Variants in CLTC observed in about 807,000 individuals in gnomAD.
The protein encoded by CLTC is clathrin heavy chain 1.
In CLTC, 16 loss-of-function variants were observed where a neutral mutation model predicts 195.8. The ratio of observed to expected loss-of-function variants is 0.08; its 90% CI spans 0.06 to 0.12. The LOEUF (loss-of-function observed/expected upper bound fraction) is 0.12, where lower values mean the gene tolerates loss of function less well. CLTC is among the 10% of genes least tolerant of loss of function. CLTC has a pLI of 1.00. For synonymous variants in CLTC, 667 were observed against 689.4 expected (o/e 0.97, Z 0.51); for missense variants, 796 against 2,027.0 (o/e 0.39, Z 11.66).
intron 1 of CLTC, among the ~76,000 whole-genome samples, chr17:59,641,573 C>T (rs546128921): frequency 8.1e-6 from 1 of 122,872 alleles, no homozygotes; most frequent in African/African-American, 3.0e-5. Context: ...TGTACTCCAG[C>T]CTGGCTGGCG....
In CLTC at chr17:59,694,806, G is replaced by A. The variant is rs994716148; in HGVS notation, c.*954G>A. On this transcript the variant is annotated 3_prime_UTR_variant, in exon 32 of 32. Transcript: ENST00000269122. ...AGTTTTAATTAAATACCACTCAAAC[G>A]AAAAGAACAGTAGTTTTTGTAGTTT... 5 of 225,940 alleles carry A rather than the reference G, an allele frequency of 2.2e-5. No individual in the cohort carries two copies. Among genetic ancestry groups the A allele is most frequent in the East Asian group, 6.5e-5 (1 of 15,472 alleles). 14.0% of individuals were successfully genotyped at this position (225,940 alleles called of 1,614,324 possible).
chr17:59,660,638 A>G, intron 7 of CLTC, 50 bp downstream of exon 7: 1 of 1,559,830 alleles, frequency 6.4e-7, no homozygotes, highest in Admixed American at 1.7e-5. Flanking sequence ...CATTGTTAAT[A>G]TTCTGTTTCT....
At chr17:59,667,045 C>T in intron 13 of CLTC, 68 bp downstream of exon 13, 1 of 1,322,692 alleles carries the variant, frequency 7.6e-7, no homozygotes, top group East Asian at 2.3e-5. Flanking sequence ...TGCTTATGAT[C>T]AGGCTGTTGG....
At position 59,666,417 on chromosome 17, in the gene CLTC, G is replaced by A. The variant is rs191267430; in HGVS notation, c.1783-63G>A. The A allele has an allele frequency of 2.2e-3, 3,381 of 1,556,076 alleles. 112 individuals are homozygous for A. The Admixed American group carries it at 0.053, about 24-fold the overall frequency. ...ACTATTAAACCTTAATCTGTAATAC[G>A]GATATTGAATTACTCATGTAAGTGG... On this transcript the variant is annotated intron_variant, in intron 11 of 31. Transcript: ENST00000269122. This position sits in a 1 kb window ranked among gnomAD's most constrained non-coding sequence, Gnocchi z 4.9.
chr17:59,634,521 T>C (rs770842541), intron 1 of CLTC, among the ~76,000 whole-genome samples: 5 of 152,226 alleles, frequency 3.3e-5, no homozygotes, highest in Non-Finnish European at 5.9e-5. Context: ...AAAAATTCTT[T>C]GAGTCTCCTG....
chr17:59,634,214 C>A (rs2031802241), intron 1 of CLTC, among the ~76,000 whole-genome samples: 1 of 152,088 alleles, frequency 6.6e-6, no homozygotes, highest in African/African-American at 2.4e-5. Context: ...TGGCCTTGAA[C>A]CCTCAAAGTA....
intron 16 of CLTC, among the ~76,000 whole-genome samples, chr17:59,675,194 TGTG>T (rs1286656824): frequency 6.6e-6 from 1 of 152,168 alleles, no homozygotes; most frequent in Non-Finnish European, 1.5e-5. Flanking sequence ...TGATCAATCA[TGTG>T]GTGTTTCCAA....
intron 15 of CLTC, 155 bp from the exon 16 acceptor site, chr17:59,674,546 T>C: frequency 3.3e-6 from 2 of 600,802 alleles, no homozygotes; most frequent in South Asian, 2.4e-5. Context: ...CTCTATCTAG[T>C]TGCAAATTTA....
intron 30 of CLTC, among the ~76,000 whole-genome samples, chr17:59,688,346 A>G (rs973267710): frequency 3.9e-5 from 6 of 152,136 alleles, no homozygotes; most frequent in Non-Finnish European, 5.9e-5. Context: ...CCTCTGCAGC[A>G]CATTGCAGTC....
At chr17:59,625,946 T>C (rs558155415) in intron 1 of CLTC, among the ~76,000 whole-genome samples, 1 of 152,346 alleles carries the variant, frequency 6.6e-6, no homozygotes, top group Non-Finnish European at 1.5e-5. Flanking sequence ...TATGTGAAAG[T>C]ACTTTACGTA....
chr17:59,660,292 T>C, intron 6 of CLTC, 99 bp from the exon 7 acceptor site: 1 of 994,040 alleles, frequency 1.0e-6, no homozygotes, highest in Non-Finnish European at 1.5e-6. Context: ...CACAATTTCA[T>C]TACCTTTGTG....
chr17:59,689,423 A>G (rs962318671), intron 30 of CLTC: 3 of 148,244 alleles, frequency 2.0e-5, no homozygotes, highest in Admixed American at 6.8e-5. Context: ...GAAGTCTACA[A>G]TTTTTTTTTT....
At position 59,641,291 on chromosome 17, in the gene CLTC, A is replaced by G. The variant is rs558072032; in HGVS notation, c.43-2985A>G. ...TAGTAGAGGCTGAGGGAGAGAGGAAAAGAAGGAATTACAGGTTACAGGCTA... is the reference window on the plus strand; with the variant it reads ...TAGTAGAGGCTGAGGGAGAGAGGAAGAGAAGGAATTACAGGTTACAGGCTA... On this transcript the variant is annotated intron_variant, in intron 1 of 31. Transcript: ENST00000269122. Among the ~76,000 whole-genome samples, 2 of 152,158 alleles carry G rather than the reference A, an allele frequency of 1.3e-5. 1 individual carries two copies. Among genetic ancestry groups the G allele is most frequent in the South Asian group, 4.1e-4 (2 of 4,822 alleles).
chr17:59,663,702 C>T (rs1377318959), intron 8 of CLTC, 140 bp from the exon 9 acceptor site: 1 of 629,842 alleles, frequency 1.6e-6, no homozygotes, highest in African/African-American at 1.9e-5. Flanking sequence ...CTACCAACCA[C>T]AACCCCTGCA....
At position 59,619,960 on chromosome 17, in the gene CLTC, C is replaced by G; in HGVS notation, c.-172C>G. On this transcript the variant is annotated 5_prime_UTR_variant, in exon 1 of 32. Transcript: ENST00000269122. ...GCGGCTCTCCTGGCCCCTGGAGCCT[C>G]CGCCCCCGACCCGAGCTCTTTCGTC... 5 of 608,102 alleles carry G rather than the reference C, an allele frequency of 8.2e-6. No individual in the cohort carries two copies. The highest frequency in any genetic ancestry group is 1.5e-5 in the Non-Finnish European group (5 of 343,304). The allele number at this position is 608,102 out of a possible 1,614,324, so 37.7% of individuals were successfully genotyped here.
At chr17:59,660,302 G>T in intron 6 of CLTC, 89 bp from the exon 7 acceptor site, 1 of 1,075,008 alleles carries the variant, frequency 9.3e-7, no homozygotes, top group Non-Finnish European at 1.4e-6. Context: ...TTACCTTTGT[G>T]ACTCAGTATT....
chr17:59,691,290 T>C (rs2033291600), intron 31 of CLTC, among the ~76,000 whole-genome samples: 1 of 152,036 alleles, frequency 6.6e-6, no homozygotes, highest in African/African-American at 2.4e-5. Context: ...CTTTGAAGAG[T>C]ATAGGTAGAA....
At chr17:59,657,489 A>G (rs1445175360) in intron 6 of CLTC, among the ~76,000 whole-genome samples, 1 of 152,082 alleles carries the variant, frequency 6.6e-6, no homozygotes, top group Non-Finnish European at 1.5e-5. Context: ...GAATAAGGCT[A>G]GGCTCAGTGG....
chr17:59,651,513 C>A (rs796065752), intron 5 of CLTC, among the ~76,000 whole-genome samples, 197 bp downstream of exon 5: 3 of 152,082 alleles, frequency 2.0e-5, no homozygotes, highest in African/African-American at 4.8e-5. Flanking sequence ...AGGTTTGGCT[C>A]CAGACCACCA....
Sources: gnomAD v4.1 joint callset for allele counts (sites outside exome capture counted in the v4.1 genomes callset) on GRCh38, gnomAD v4.1.1 for gene constraint, Gnocchi (gnomAD v3.1) non-coding constraint, MANE v1.5 for transcripts, NCBI Gene and HGNC (gene_info 2026-07-23, HGNC 2026-07-21) for gene names.